Variants in TMPRSS11F observed in about 807,000 individuals in gnomAD.
TMPRSS11F encodes transmembrane serine protease 11F.
In TMPRSS11F, 47 loss-of-function variants were observed where a neutral mutation model predicts 60.2. The ratio of observed to expected loss-of-function variants is 0.78; its 90% CI spans 0.62 to 1.00. The LOEUF (loss-of-function observed/expected upper bound fraction) is 1.00. TMPRSS11F is among the 50% of genes least tolerant of loss of function. The pLI is 0.00. For synonymous variants in TMPRSS11F, 166 were observed against 167.3 expected, an observed-to-expected ratio of 0.99 and a Z score of 0.06; for missense variants, 519 against 522.9, an observed-to-expected ratio of 0.99 and a Z score of 0.07.
chr4:68,053,995 G>A lies in TMPRSS11F; in HGVS notation c.1231C>T (p.Gln411Ter). The A allele has an allele frequency of 1.2e-6, 2 of 1,613,418 alleles. No homozygotes were observed. Among genetic ancestry groups the A allele is most frequent in the East Asian group, 2.2e-5 (1 of 44,856 alleles). ...GGTTTTTTGGGAAGTGCACATGATT[G>A]TCCCCAACTTACTATACCTACAATG... is the stretch of plus-strand genomic sequence containing the variant. ...WYIVGIVSWGQSCALPKKPGV... is the reference protein window; with the variant it reads ...WYIVGIVSWG Residue 411 changes from glutamine (Q) to a stop codon, truncating the protein, a stop_gained, in exon 10 of 10, where the codon CAA (glutamine) becomes TAA (stop). Transcript: ENST00000356291. LOFTEE classifies it high-confidence loss of function.
intron 9 of TMPRSS11F, among the ~76,000 whole-genome samples, chr4:68,058,341 T>C (rs1441899083): frequency 2.0e-5 from 3 of 152,178 alleles, no homozygotes; most frequent in Non-Finnish European, 4.4e-5. Context: ...ATAGATGTAA[T>C]ACAATTATGA....
At chr4:68,120,527 T>C (rs547891122) in intron 1 of TMPRSS11F, among the ~76,000 whole-genome samples, 65 of 150,802 alleles carry the variant, frequency 4.3e-4, no homozygotes, top group Admixed American at 8.6e-4. Flanking sequence ...TAGCTGGGAC[T>C]ACAGGCGCCC....
chr4:68,078,331 T>G, intron 3 of TMPRSS11F, among the ~76,000 whole-genome samples: 1 of 152,208 alleles, frequency 6.6e-6, no homozygotes, highest in East Asian at 1.9e-4. Flanking sequence ...TTACCTTACT[T>G]GAGAAACTCT....
chr4:68,071,941 C>T (rs1252506707), intron 5 of TMPRSS11F, among the ~76,000 whole-genome samples: 2 of 151,776 alleles, frequency 1.3e-5, no homozygotes, highest in Admixed American at 1.3e-4. Context: ...AGTCACAATA[C>T]CTGTGTCTAA....
At chr4:68,093,676 T>C (rs2109867251) in intron 2 of TMPRSS11F, among the ~76,000 whole-genome samples, 1 of 151,744 alleles carries the variant, frequency 6.6e-6, no homozygotes, top group South Asian at 2.1e-4. Flanking sequence ...ATCCAGAATC[T>C]ACAATGAACT....
At chr4:68,080,913 A>G (rs1723685763) in intron 3 of TMPRSS11F, 2 of 152,210 alleles carry the variant, frequency 1.3e-5, no homozygotes, top group African/African-American at 4.8e-5. Context: ...CAAGTTTTAG[A>G]TAAGGTTTTT....
chr4:68,062,042 T>C, intron 8 of TMPRSS11F: 1 of 452,538 alleles, frequency 2.2e-6, no homozygotes, highest in South Asian at 1.6e-5. Context: ...ATTTTCAATG[T>C]GACTGAAACC....
intron 1 of TMPRSS11F, among the ~76,000 whole-genome samples, chr4:68,127,967 A>G (rs1191729515): frequency 5.3e-5 from 8 of 152,232 alleles, no homozygotes; most frequent in African/African-American, 1.4e-4. Flanking sequence ...TCATTCATTT[A>G]CTTATAAACC....
intron 1 of TMPRSS11F, among the ~76,000 whole-genome samples, chr4:68,124,197 G>C (rs925596455): frequency 6.7e-6 from 1 of 149,368 alleles, no homozygotes; most frequent in Non-Finnish European, 1.5e-5. Flanking sequence ...CTCCAGCCTG[G>C]GCGACAGAGT....
At chr4:68,103,692 A>T (rs1374525710) in intron 1 of TMPRSS11F, among the ~76,000 whole-genome samples, 2 of 152,072 alleles carry the variant, frequency 1.3e-5, no homozygotes, top group African/African-American at 2.4e-5. Context: ...TATTTCTATG[A>T]AGAATGCCAA....
At chr4:68,087,717 A>ATTTT (rs1723842836) in intron 3 of TMPRSS11F, among the ~76,000 whole-genome samples, 1 of 151,290 alleles carries the variant, frequency 6.6e-6, no homozygotes. Context: ...TTATTTATTT[A>ATTTT]TTTATTTATT....
intron 2 of TMPRSS11F, among the ~76,000 whole-genome samples, chr4:68,096,015 T>G (rs1724067756): frequency 6.6e-6 from 1 of 151,778 alleles, no homozygotes; most frequent in African/African-American, 2.4e-5. Flanking sequence ...TTTACAGCAG[T>G]ATTGCTTTAA....
At chr4:68,076,497 T>C (rs967166162) in intron 3 of TMPRSS11F, among the ~76,000 whole-genome samples, 3 of 152,204 alleles carry the variant, frequency 2.0e-5, no homozygotes, top group Non-Finnish European at 4.4e-5. Flanking sequence ...GTTACTTCTC[T>C]TTCTGGGATA....
intron 1 of TMPRSS11F, among the ~76,000 whole-genome samples, chr4:68,113,864 A>G (rs2109882853): frequency 6.6e-6 from 1 of 152,280 alleles, no homozygotes; most frequent in East Asian, 1.9e-4. Context: ...ACTAATAAAA[A>G]AAGAGCACAA....
At position 68,064,908 on chromosome 4, in the gene TMPRSS11F, A is replaced by G. The variant is rs1356830253; in HGVS notation, c.792T>C (p.Gly264=). 1 of 1,613,828 alleles carries G rather than the reference A, an allele frequency of 6.2e-7. No individual in the cohort carries two copies. The highest frequency in any genetic ancestry group is 8.5e-7 in the Non-Finnish European group (1 of 1,179,968). Reference sequence around the variant, plus strand: ...TCACTGCGGGTGGTGTTATAGTTGCACCAAAAGTAGCAATCCATTGAGTTG... The same window carrying G: ...TCACTGCGGGTGGTGTTATAGTTGCGCCAAAAGTAGCAATCCATTGAGTTG... ...KDPTQWIATF[G]ATITPPAVKR... Residue 264 remains glycine, a synonymous_variant, in exon 8 of 10, where the codon GGT becomes GGC. Coordinates refer to ENST00000356291, the MANE Select transcript of TMPRSS11F (RefSeq NM_207407.2).
rs1452078253 is a variant in TMPRSS11F, at chr4:68,061,892, AC to A, written c.1016-2425del. 5 of 423,960 alleles carry A rather than the reference AC, an allele frequency of 1.2e-5. 1 individual carries two copies. The highest frequency in any genetic ancestry group is 1.0e-4 in the African/African-American group (5 of 48,302). The allele number at this position is 423,960 out of a possible 1,614,324, so 26.3% of individuals were successfully genotyped here. ...AAAAGCAGAAGCAAATGAAAAATGA[AC>A]TTTTAAAAAAAAATTAACATATTAA... is the stretch of plus-strand genomic sequence containing the variant. On this transcript the variant is annotated intron_variant, in intron 8 of 9. Transcript: ENST00000356291.
rs924338568 is a variant in TMPRSS11F, at chr4:68,069,999, T to G, written c.523A>C (p.Ser175Arg). Residue 175 changes from serine to arginine, a missense_variant, in exon 6 of 10, where the codon AGC (serine) becomes CGC (arginine). By Grantham distance (110) the Ser-to-Arg change is moderately radical (BLOSUM62 -1). Coordinates refer to ENST00000356291, the MANE Select transcript of TMPRSS11F (RefSeq NM_207407.2). ...KPSFRLTPID[S>R]KKMRNLLNSR... ...TTGAGAAGATTCCTCATCTTTTTGCTGTCAATAGCTGGAATAAGCAAAACA... is the reference window on the plus strand; with the variant it reads ...TTGAGAAGATTCCTCATCTTTTTGCGGTCAATAGCTGGAATAAGCAAAACA... The G allele has an allele frequency of 2.5e-6, 4 of 1,603,568 alleles. No individual in the cohort carries two copies. In the South Asian group the frequency reaches 4.5e-5, roughly 18 times the overall value.
chr4:68,108,619 C>T (rs1724348310), intron 1 of TMPRSS11F, among the ~76,000 whole-genome samples: 1 of 152,214 alleles, frequency 6.6e-6, no homozygotes, highest in Non-Finnish European at 1.5e-5. Flanking sequence ...ACCCAATGAG[C>T]ACACCTTCAT....
At position 68,072,392 on chromosome 4, in the gene TMPRSS11F, C is replaced by T; in HGVS notation, c.445G>A (p.Ala149Thr). 1 of 1,600,810 alleles carries T rather than the reference C, an allele frequency of 6.2e-7. No individual in the cohort carries two copies. The highest frequency in any genetic ancestry group is 1.1e-5 in the South Asian group (1 of 89,140). ...AEQIKKKIEK[A>T]LYQSLKTKQL... ...TTGGTCTTCAAACTTTGATATAAAG[C>T]CTTTTCAATTTTTTTCTTGATTTGT... Residue 149 changes from alanine to threonine, a missense_variant, in exon 5 of 10, where the codon GCT (alanine) becomes ACT (threonine). Transcript: ENST00000356291.
Sources: allele counts gnomAD v4.1 joint callset (sites outside exome capture counted in the v4.1 genomes callset), GRCh38; gene constraint gnomAD v4.1.1; transcripts MANE v1.5; gene names NCBI Gene and HGNC (gene_info 2026-07-23, HGNC 2026-07-21).